The following RGS6 variants were observed in gnomAD, a reference collection of about 807,000 sequenced individuals.
RGS6 encodes the protein regulator of G-protein signaling 6.
RGS6 carries 30 observed loss-of-function variants against 78.5 expected under a neutral mutation model. That is an observed-to-expected ratio of 0.38 (90% CI 0.29 to 0.52). The LOEUF (loss-of-function observed/expected upper bound fraction) is 0.52, where lower values mean the gene tolerates loss of function less well. RGS6 is among the 20% of genes least tolerant of loss of function. The pLI, the probability that RGS6 is intolerant of heterozygous loss-of-function variation, is 0.85. For synonymous variants in RGS6, 206 were observed against 206.0 expected, an observed-to-expected ratio of 1.00 and a Z score of 0.00; for missense variants, 495 against 609.7, an observed-to-expected ratio of 0.81 and a Z score of 1.98.
At chr14:72,129,367 T>A (rs1461461360) in intron 2 of RGS6, among the ~76,000 whole-genome samples, 1 of 152,196 alleles carries the variant, frequency 6.6e-6, no homozygotes, top group Non-Finnish European at 1.5e-5. Flanking sequence ...AAATATTTGT[T>A]TAATGAATAA....
chr14:72,011,385 G>A (rs927371161), intron 2 of RGS6, among the ~76,000 whole-genome samples: 5 of 152,074 alleles, frequency 3.3e-5, no homozygotes, highest in African/African-American at 7.2e-5. Context: ...GAAAGCCTCC[G>A]ATGACTGTTT....
chr14:72,082,136 C>A (rs2094851526), intron 2 of RGS6, among the ~76,000 whole-genome samples: 1 of 151,764 alleles, frequency 6.6e-6, no homozygotes, highest in African/African-American at 2.4e-5. Context: ...TATTTGGGGT[C>A]TTTTGTGGTT....
intron 2 of RGS6, among the ~76,000 whole-genome samples, chr14:72,185,293 T>TCACAGAC (rs1173490352): frequency 6.6e-6 from 1 of 152,038 alleles, no homozygotes; most frequent in Non-Finnish European, 1.5e-5. Flanking sequence ...GGCAAGAACC[T>TCACAGAC]CACAGACACC....
intron 2 of RGS6, among the ~76,000 whole-genome samples, chr14:72,345,596 A>G (rs968239480): frequency 3.3e-5 from 5 of 152,008 alleles, no homozygotes; most frequent in African/African-American, 4.8e-5. Context: ...TTCACTTCCA[A>G]CCTCCTTGGA....
At chr14:72,005,439 CTCTA>C (rs148163713) in intron 2 of RGS6, among the ~76,000 whole-genome samples, 75 of 143,638 alleles carry the variant, frequency 5.2e-4, no homozygotes, top group Non-Finnish European at 7.9e-4. Context: ...ACCTGCATAT[CTCTA>C]TCTATCTATC....
chr14:72,629,001 T>C, the RGS6 span, among the ~76,000 whole-genome samples: 4 of 152,198 alleles, frequency 2.6e-5, no homozygotes, highest in African/African-American at 9.7e-5. Flanking sequence ...TGGGCCTTAT[T>C]TGAATCCCAA....
intron 1 of RGS6, among the ~76,000 whole-genome samples, chr14:71,954,592 CTT>C (rs1401940682): frequency 1.3e-5 from 2 of 152,130 alleles, no homozygotes; most frequent in Non-Finnish European, 2.9e-5. Context: ...CAATTACACT[CTT>C]TTAGTTATTT....
chr14:71,966,341 C>T (rs2093511027), intron 2 of RGS6, among the ~76,000 whole-genome samples: 1 of 152,130 alleles, frequency 6.6e-6, no homozygotes, highest in Admixed American at 6.5e-5. Context: ...TTCTGTAATT[C>T]TTTGCTTTGC....
chr14:71,997,266 A>G (rs2095241272), intron 2 of RGS6, among the ~76,000 whole-genome samples: 3 of 152,128 alleles, frequency 2.0e-5, no homozygotes, highest in Admixed American at 2.0e-4. Flanking sequence ...GATAGATGAG[A>G]AGAGGAGCTG....
intron 3 of RGS6, among the ~76,000 whole-genome samples, chr14:72,388,914 C>A (rs2089144151): frequency 1.3e-5 from 2 of 152,040 alleles, no homozygotes; most frequent in African/African-American, 4.8e-5. Flanking sequence ...GCGTGTCTGC[C>A]CCATAGTAAA....
chr14:72,166,132 A>ACG (rs2096923884), intron 2 of RGS6, among the ~76,000 whole-genome samples: 2 of 133,142 alleles, frequency 1.5e-5, no homozygotes, highest in Non-Finnish European at 3.3e-5. Flanking sequence ...ACACACACAC[A>ACG]CACACAGACT....
intron 2 of RGS6, among the ~76,000 whole-genome samples, chr14:72,151,182 G>A (rs1027384515): frequency 6.6e-6 from 1 of 152,190 alleles, no homozygotes; most frequent in African/African-American, 2.4e-5. Context: ...ATGAGGTGTT[G>A]CTGCTGTGTG....
intron 2 of RGS6, among the ~76,000 whole-genome samples, chr14:72,008,168 C>T (rs1398812089): frequency 6.6e-6 from 1 of 152,188 alleles, no homozygotes; most frequent in East Asian, 1.9e-4. Context: ...CCCATTTTCC[C>T]CTTTGTGAGT....
intron 3 of RGS6, among the ~76,000 whole-genome samples, chr14:72,378,692 GTAA>G (rs1301669919): frequency 2.6e-5 from 4 of 152,062 alleles, no homozygotes; most frequent in African/African-American, 9.7e-5. Flanking sequence ...GATTAAATCA[GTAA>G]TAAAAAGTTT....
At position 72,564,372 on chromosome 14, in the gene RGS6, C is replaced by T. The variant is rs1052877463; in HGVS notation, c.*1905C>T. 7 of 152,254 alleles carry T rather than the reference C, an allele frequency of 4.6e-5. No individual in the cohort carries two copies. Among genetic ancestry groups the T allele is most frequent in the African/African-American group, 1.7e-4 (7 of 41,466 alleles). 9.4% of individuals were successfully genotyped at this position (152,254 alleles called of 1,614,324 possible). ...GAGGCTGGTACTTTGGAGGCACTAA[C>T]CACTTGATGAGTAAATCAATGGCAT... On this transcript the variant is annotated 3_prime_UTR_variant, in exon 18 of 18. Coordinates refer to ENST00000553525, the MANE Select transcript of RGS6 (RefSeq NM_001204424.2).
intron 2 of RGS6, 98 bp downstream of exon 2, chr14:71,964,973 CT>C: frequency 1.3e-6 from 1 of 796,112 alleles, no homozygotes; most frequent in South Asian, 2.8e-5. Flanking sequence ...CCTAAACTGC[CT>C]TACTGATAAA....
intron 4 of RGS6, 143 bp downstream of exon 4, chr14:72,454,721 A>G (rs1484975669): frequency 6.5e-6 from 4 of 612,122 alleles, no homozygotes; most frequent in Middle Eastern, 2.6e-4. Context: ...CTATTTACAA[A>G]TAAAATTAAT....
At chr14:72,446,865 G>T (rs1198119546) in intron 3 of RGS6, among the ~76,000 whole-genome samples, 1 of 152,148 alleles carries the variant, frequency 6.6e-6, no homozygotes, top group Admixed American at 6.5e-5. Flanking sequence ...TAATGCCACT[G>T]CTGATCTGAC....
chr14:72,558,832 T>G (rs1215084526), intron 17 of RGS6, among the ~76,000 whole-genome samples: 2 of 152,364 alleles, frequency 1.3e-5, no homozygotes, highest in Middle Eastern at 3.4e-3. Flanking sequence ...GTCTCTGGAA[T>G]GTACCTTCTG....
Sources: allele counts gnomAD v4.1 joint callset (sites outside exome capture counted in the v4.1 genomes callset), GRCh38; gene constraint gnomAD v4.1.1; transcripts MANE v1.5; gene names NCBI Gene and HGNC (gene_info 2026-07-23, HGNC 2026-07-21).